CDH12: variants seen among roughly 807,000 people sequenced by gnomAD.
CDH12 encodes cadherin 12.
In CDH12, 41 loss-of-function variants were observed where a neutral mutation model predicts 74.1. The ratio of observed to expected loss-of-function variants is 0.55; its 90% CI spans 0.43 to 0.72. The LOEUF (loss-of-function observed/expected upper bound fraction) is 0.72, where lower values mean the gene tolerates loss of function less well. Among genes scored for constraint, CDH12 ranks in the 30% least tolerant of loss-of-function variants. The probability of loss-of-function intolerance (pLI) is 0.00; values close to 1 mark genes in which losing one functional copy is unlikely to be tolerated. For missense variants in CDH12, 945 were observed against 977.2 expected, an observed-to-expected ratio of 0.97 and a Z score of 0.44; for synonymous variants, 399 against 355.0, an observed-to-expected ratio of 1.12 and a Z score of -1.39.
At chr5:22,288,895 A>T (rs1253612036) in intron 3 of CDH12, among the ~76,000 whole-genome samples, 1 of 152,206 alleles carries the variant, frequency 6.6e-6, no homozygotes, top group African/African-American at 2.4e-5. Flanking sequence ...TAGTGTTAAT[A>T]CTGAGGAAAT....
intron 2 of CDH12, among the ~76,000 whole-genome samples, chr5:22,449,003 C>T (rs538770976): frequency 6.8e-4 from 103 of 151,804 alleles, no homozygotes; most frequent in African/African-American, 2.4e-3. Flanking sequence ...AAACAAAAAG[C>T]AAACTTTAAA....
intron 6 of CDH12, among the ~76,000 whole-genome samples, chr5:21,972,860 A>G: frequency 6.6e-6 from 1 of 151,942 alleles, no homozygotes; most frequent in East Asian, 1.9e-4. Flanking sequence ...AATTCATACC[A>G]TGTGGTAAAA....
intron 6 of CDH12, among the ~76,000 whole-genome samples, chr5:21,916,527 C>A (rs1754102849): frequency 6.7e-6 from 1 of 149,130 alleles, no homozygotes; most frequent in Non-Finnish European, 1.5e-5. Flanking sequence ...TTTTTCTTGG[C>A]AGATTAGGCC....
chr5:22,564,944 T>C (rs1739222641), intron 1 of CDH12, among the ~76,000 whole-genome samples: 1 of 151,812 alleles, frequency 6.6e-6, no homozygotes, highest in South Asian at 2.1e-4. Context: ...TTGTTTTTTG[T>C]TTGTTTGTTT....
chr5:22,267,999 C>T (rs1736213375), intron 3 of CDH12, among the ~76,000 whole-genome samples: 1 of 152,080 alleles, frequency 6.6e-6, no homozygotes, highest in Admixed American at 6.6e-5. Context: ...TACATAAGAT[C>T]AATTCAGCAT....
chr5:22,672,122 T>TA (rs1740934774), intron 1 of CDH12, among the ~76,000 whole-genome samples: 1 of 125,592 alleles, frequency 8.0e-6, no homozygotes, highest in South Asian at 2.3e-4. Flanking sequence ...TAAATATATA[T>TA]TATTTTATAT....
chr5:22,128,656 A>G (rs1746014913), intron 4 of CDH12, among the ~76,000 whole-genome samples: 1 of 152,166 alleles, frequency 6.6e-6, no homozygotes, highest in Non-Finnish European at 1.5e-5. Flanking sequence ...TTTTAAAACT[A>G]TAGCTGTTCC....
chr5:22,699,560 T>C (rs1205889792), intron 1 of CDH12, among the ~76,000 whole-genome samples: 4 of 152,182 alleles, frequency 2.6e-5, no homozygotes, highest in African/African-American at 9.6e-5. Context: ...ATGGAAGCAA[T>C]GGATGGCTCA....
intron 4 of CDH12, among the ~76,000 whole-genome samples, chr5:22,145,773 C>T (rs984874357): frequency 3.3e-5 from 5 of 151,822 alleles, no homozygotes; most frequent in African/African-American, 7.3e-5. Context: ...GTAGGGACAT[C>T]GAAGGTACAA....
intron 3 of CDH12, among the ~76,000 whole-genome samples, chr5:22,360,560 T>C (rs1222396970): frequency 6.6e-6 from 1 of 152,070 alleles, no homozygotes; most frequent in Non-Finnish European, 1.5e-5. Context: ...AAAGAGGAAA[T>C]CCTCCCTAAC....
chr5:22,528,921 A>G (rs1254315820), intron 1 of CDH12, among the ~76,000 whole-genome samples: 1 of 150,808 alleles, frequency 6.6e-6, no homozygotes, highest in African/African-American at 2.4e-5. Context: ...ACCAATTCAG[A>G]AAACTCATTT....
Position 21,783,395 on chromosome 5 carries a change from A to T in CDH12, c.1356T>A (p.Thr452=), listed in dbSNP as rs759584211. 2 of 1,613,082 alleles carry T rather than the reference A, an allele frequency of 1.2e-6. No homozygotes were observed. The highest frequency in any genetic ancestry group is 2.2e-5 in the South Asian group (2 of 91,066). ...ATNELLDRES[T]AQYNFSIIAS... ...CAATTATGGAGAAATTATACTGCGCAGTGCTTTCTCTGTCTAGTAATTCAT... is the reference window on the plus strand; with the variant it reads ...CAATTATGGAGAAATTATACTGCGCTGTGCTTTCTCTGTCTAGTAATTCAT... Residue 452 remains threonine, a synonymous_variant, in exon 11 of 15, where the codon ACT becomes ACA. Transcript: ENST00000382254.
intron 4 of CDH12, among the ~76,000 whole-genome samples, chr5:22,092,879 C>A (rs1743517660): frequency 6.6e-6 from 1 of 152,068 alleles, no homozygotes; most frequent in African/African-American, 2.4e-5. Flanking sequence ...ATTTGATGAA[C>A]AAAATCTCAT....
At chr5:22,700,487 A>G (rs1742660055) in intron 1 of CDH12, among the ~76,000 whole-genome samples, 1 of 152,108 alleles carries the variant, frequency 6.6e-6, no homozygotes, top group African/African-American at 2.4e-5. Context: ...ATCACTCCAA[A>G]CCTTGTTATG....
intron 3 of CDH12, among the ~76,000 whole-genome samples, chr5:22,343,321 CACAGAGAGAGAGAGAGAG>C (rs1164820899): frequency 1.0e-4 from 13 of 124,294 alleles, no homozygotes; most frequent in African/African-American, 3.7e-4. Context: ...CAGACACACA[CACAGAGAGAGAGAGAGAG>C]AGAGAGAGAG....
intron 1 of CDH12, among the ~76,000 whole-genome samples, chr5:22,624,248 T>C (rs2126845696): frequency 6.6e-6 from 1 of 152,290 alleles, no homozygotes; most frequent in East Asian, 1.9e-4. Flanking sequence ...GACGTAGGCA[T>C]GGGCAAGTAT....
At chr5:22,005,044 A>G (rs1010947560) in intron 5 of CDH12, among the ~76,000 whole-genome samples, 4 of 151,382 alleles carry the variant, frequency 2.6e-5, no homozygotes, top group African/African-American at 9.7e-5. Flanking sequence ...GTATTTATTT[A>G]TTTATTCATT....
chr5:22,490,333 T>C (rs1270517559), intron 2 of CDH12, among the ~76,000 whole-genome samples: 1 of 152,186 alleles, frequency 6.6e-6, no homozygotes, highest in Non-Finnish European at 1.5e-5. Flanking sequence ...ACTCCTTCTA[T>C]ACTGATTCTA....
intron 3 of CDH12, among the ~76,000 whole-genome samples, chr5:22,298,886 A>ATATAATT (rs1173670116): frequency 6.6e-6 from 1 of 152,194 alleles, no homozygotes; most frequent in African/African-American, 2.4e-5. Context: ...TCTTGACTCC[A>ATATAATT]TATAATTTAC....
Sources: allele counts gnomAD v4.1 joint callset (sites outside exome capture counted in the v4.1 genomes callset), GRCh38; gene constraint gnomAD v4.1.1; transcripts MANE v1.5; gene names NCBI Gene and HGNC (gene_info 2026-07-23, HGNC 2026-07-21).